AUTS2: variants seen among roughly 807,000 people sequenced by gnomAD.
AUTS2 encodes autism susceptibility gene 2 protein.
Under a neutral mutation model 112.4 loss-of-function variants are expected in AUTS2, and 17 were observed. The observed-to-expected ratio is 0.15, with a 90% CI of 0.10 to 0.23. The LOEUF is 0.23. AUTS2 is among the 10% of genes least tolerant of loss of function. The probability of loss-of-function intolerance (pLI) is 1.00; values close to 1 mark genes in which losing one functional copy is unlikely to be tolerated. For synonymous variants in AUTS2, 751 were observed against 702.7 expected, an observed-to-expected ratio of 1.07 and a Z score of -1.09; for missense variants, 1,510 against 1,701.6, an observed-to-expected ratio of 0.89 and a Z score of 1.98.
rs1797613716 is a variant in AUTS2, at chr7:69,697,662, G to A, written c.309+97700G>A. ...TCGTCCTTGACTTTGGGCATCCCAA[G>A]CTCTGTATTCAGACACTCCTGAACT... On this transcript the variant is annotated intron_variant, in intron 1 of 18. Coordinates refer to ENST00000342771, the MANE Select transcript of AUTS2 (RefSeq NM_015570.4). Among the ~76,000 whole-genome samples, 7 of 152,186 alleles carry A rather than the reference G, an allele frequency of 4.6e-5. No homozygotes were observed. The South Asian group carries it at 1.4e-3, about 32-fold the overall frequency.
intron 2 of AUTS2, among the ~76,000 whole-genome samples, chr7:69,981,800 CTAAAGAG>C (rs1798305351): frequency 6.6e-6 from 1 of 152,226 alleles, no homozygotes; most frequent in African/African-American, 2.4e-5. Context: ...TAGTAGGTCA[CTAAAGAG>C]TGAAGATGAG....
Position 69,599,867 on chromosome 7 carries a change from C to G in AUTS2, c.214C>G (p.Pro72Ala). ...PPSSAPSRPR[P>A]PRRKRRESTS... ...GTCCTCCGCCCCGTCCCGGCCCAGA[C>G]CCCCGCGGAGGAAGCGGAGAGAGTC... is the stretch of plus-strand genomic sequence containing the variant. The change falls in exon 1 of 19, where the codon CCC becomes GCC. Residue 72 changes from proline (P) to alanine (A), a missense_variant. Physicochemically the swap from Pro to Ala is conservative, Grantham distance 27. Around this residue, in one of 3 missense-constraint regions of AUTS2, gnomAD observed 535 missense variants for 594.3 expected, o/e 0.90. Transcript: ENST00000342771. This position sits in a 1 kb window ranked among gnomAD's most constrained non-coding sequence, Gnocchi z 7.0. 1.2e-6 allele frequency: 2 copies of G among 1,613,332 alleles called. No individual in the cohort carries two copies. The highest frequency in any genetic ancestry group is 1.7e-6 in the Non-Finnish European group (2 of 1,179,900).
chr7:70,778,790 G>GCTAA (rs1374125888), intron 14 of AUTS2, among the ~76,000 whole-genome samples: 1 of 152,162 alleles, frequency 6.6e-6, no homozygotes, highest in South Asian at 2.1e-4. Flanking sequence ...GCTTTGAAGA[G>GCTAA]CTAACTAGAT....
intron 4 of AUTS2, among the ~76,000 whole-genome samples, chr7:70,173,720 G>A (rs766449759): frequency 6.6e-6 from 1 of 152,114 alleles, no homozygotes; most frequent in Non-Finnish European, 1.5e-5. Flanking sequence ...GGTAATTCTT[G>A]CACTATTTCA....
intron 5 of AUTS2, among the ~76,000 whole-genome samples, chr7:70,556,437 G>A (rs1801252806): frequency 6.6e-6 from 1 of 152,200 alleles, no homozygotes; most frequent in African/African-American, 2.4e-5. Context: ...TGAAATAATA[G>A]ATGTGAAAGC....
chr7:69,855,956 T>G (rs750647203), intron 1 of AUTS2, among the ~76,000 whole-genome samples: 1 of 152,196 alleles, frequency 6.6e-6, no homozygotes, highest in Admixed American at 6.5e-5. Context: ...CTTCCATTTT[T>G]AAGAGTTATT....
intron 2 of AUTS2, among the ~76,000 whole-genome samples, chr7:70,089,840 C>CT (rs1803815670): frequency 6.6e-6 from 1 of 151,850 alleles, no homozygotes; most frequent in African/African-American, 2.4e-5. Context: ...GAAACCCCGT[C>CT]TACTAAAAAT....
chr7:69,664,270 C>A (rs1019055508), intron 1 of AUTS2, among the ~76,000 whole-genome samples: 2 of 151,912 alleles, frequency 1.3e-5, no homozygotes, highest in African/African-American at 4.8e-5. Context: ...AGAAAAATGA[C>A]AAATAGAGAA....
At chr7:69,898,460 A>G (rs1794842508) in intron 1 of AUTS2, among the ~76,000 whole-genome samples, 1 of 152,108 alleles carries the variant, frequency 6.6e-6, no homozygotes, top group Non-Finnish European at 1.5e-5. Flanking sequence ...GACTTACTCC[A>G]CTTCTGATAA....
chr7:70,771,168 T>C, intron 10 of AUTS2: 1 of 157,780 alleles, frequency 6.3e-6, no homozygotes, highest in Non-Finnish European at 1.4e-5. Context: ...TCTGTCTTTT[T>C]CCCCCTCTAA....
At chr7:69,926,513 A>T (rs1218723233) in intron 2 of AUTS2, among the ~76,000 whole-genome samples, 2 of 151,292 alleles carry the variant, frequency 1.3e-5, no homozygotes, top group African/African-American at 4.9e-5. Context: ...CTACCTACCT[A>T]TATCTGTCAG....
At chr7:69,692,282 G>T (rs117947389) in intron 1 of AUTS2, among the ~76,000 whole-genome samples, 1 of 152,148 alleles carries the variant, frequency 6.6e-6, no homozygotes, top group African/African-American at 2.4e-5. Flanking sequence ...GGAAGACTTC[G>T]GTGGTCCTTT....
chr7:69,631,604 G>A (rs1038476784), intron 1 of AUTS2, among the ~76,000 whole-genome samples: 1 of 152,116 alleles, frequency 6.6e-6, no homozygotes, highest in African/African-American at 2.4e-5. Context: ...CCAAATTATG[G>A]ATAACAATTT....
intron 5 of AUTS2, among the ~76,000 whole-genome samples, chr7:70,685,786 G>A (rs1041304520): frequency 2.3e-4 from 35 of 152,098 alleles, no homozygotes; most frequent in African/African-American, 8.0e-4. Context: ...ACTGGAAAAC[G>A]CGATCAGTTC....
intron 4 of AUTS2, among the ~76,000 whole-genome samples, chr7:70,173,077 T>C (rs1274307234): frequency 6.6e-6 from 1 of 152,126 alleles, no homozygotes; most frequent in Non-Finnish European, 1.5e-5. Context: ...GTAGAGTCTC[T>C]TACCACTGGG....
At chr7:69,700,705 C>T (rs557856161) in intron 1 of AUTS2, among the ~76,000 whole-genome samples, 1 of 152,292 alleles carries the variant, frequency 6.6e-6, no homozygotes, top group African/African-American at 2.4e-5. Flanking sequence ...AAAACCTTGC[C>T]TCAAGTTTGT....
chr7:70,383,917 C>CA (rs1793491009), intron 4 of AUTS2, among the ~76,000 whole-genome samples: 1 of 152,248 alleles, frequency 6.6e-6, no homozygotes, highest in South Asian at 2.1e-4. Flanking sequence ...TTATTCTGTA[C>CA]ATTGTTCCTA....
chr7:70,614,885 G>A lies in AUTS2; in HGVS notation c.691-83684G>A, dbSNP rs571059920. Among the ~76,000 whole-genome samples the A allele has an allele frequency of 3.4e-4, 52 of 152,266 alleles. No homozygotes were observed. In the Middle Eastern group the frequency reaches 0.01, roughly 30 times the overall value. On this transcript the variant is annotated intron_variant, in intron 5 of 18. Coordinates refer to ENST00000342771, the MANE Select transcript of AUTS2 (RefSeq NM_015570.4). The stretch of plus-strand genomic sequence containing the variant: ...CCTGGCAGGGGCCCAGAGGCTGGCC[G>A]GCTGCAGGGCTAACCTGCACCAGCA...
chr7:69,695,653 T>C (rs1304745947), intron 1 of AUTS2, among the ~76,000 whole-genome samples: 1 of 152,166 alleles, frequency 6.6e-6, no homozygotes. Flanking sequence ...TAGTAGACAT[T>C]AATAGGCTTG....
Sources: gnomAD v4.1 joint callset for allele counts (sites outside exome capture counted in the v4.1 genomes callset) on GRCh38, gnomAD v4.1.1 for gene constraint, gnomAD v4.1.1 regional missense constraint, Gnocchi (gnomAD v3.1) non-coding constraint, MANE v1.5 for transcripts, NCBI Gene and HGNC (gene_info 2026-07-23, HGNC 2026-07-21) for gene names.